The following PDE1C variants were observed in gnomAD, a reference collection of about 807,000 sequenced individuals.
PDE1C encodes phosphodiesterase 1C, also known as dual specificity calcium/calmodulin-dependent 3',5'-cyclic nucleotide phosphodiesterase 1C.
PDE1C carries 62 observed loss-of-function variants against 93.1 expected under a neutral mutation model. That is an observed-to-expected ratio of 0.67 (90% CI 0.54 to 0.82). The LOEUF is 0.82. Among genes scored for constraint, PDE1C ranks in the 40% least tolerant of loss-of-function variants. The pLI is 0.00. For missense variants in PDE1C, 742 were observed against 884.6 expected (o/e 0.84, Z 2.04); for synonymous variants, 325 against 310.1 (o/e 1.05, Z -0.50).
chr7:31,658,219 C>T, the PDE1C span: 1 of 1,441,894 alleles, frequency 6.9e-7, no homozygotes, highest in African/African-American at 1.4e-5. Flanking sequence ...AGAACACTTC[C>T]CAGAAAAATG....
chr7:32,199,252 T>C (rs975205267), intron 2 of PDE1C, among the ~76,000 whole-genome samples: 3 of 152,238 alleles, frequency 2.0e-5, no homozygotes, highest in Non-Finnish European at 4.4e-5. Context: ...TTCATTATAA[T>C]GTATCTGCCA....
At chr7:31,644,136 T>C in the PDE1C span, among the ~76,000 whole-genome samples, 1 of 152,244 alleles carries the variant, frequency 6.6e-6, no homozygotes, top group Non-Finnish European at 1.5e-5. Flanking sequence ...TTCTTCTCGA[T>C]ACTTCCAATC....
intron 15 of PDE1C, among the ~76,000 whole-genome samples, chr7:31,810,959 A>G: frequency 6.6e-6 from 1 of 152,142 alleles, no homozygotes; most frequent in East Asian, 1.9e-4. Flanking sequence ...AAGCTAAGCT[A>G]GAAGTCAATA....
intron 2 of PDE1C, among the ~76,000 whole-genome samples, chr7:31,890,893 G>A (rs1798542240): frequency 1.3e-5 from 2 of 152,164 alleles, no homozygotes; most frequent in Non-Finnish European, 2.9e-5. Context: ...TGTGTGTGAA[G>A]ACAGTGCATC....
chr7:31,854,564 C>T (rs915424019), intron 7 of PDE1C, among the ~76,000 whole-genome samples: 6 of 152,120 alleles, frequency 3.9e-5, no homozygotes, highest in South Asian at 4.1e-4. Flanking sequence ...AGAAAGCAAG[C>T]CACTTGTTCC....
chr7:32,159,255 A>G (rs1801763507), intron 3 of PDE1C, among the ~76,000 whole-genome samples: 1 of 152,190 alleles, frequency 6.6e-6, no homozygotes, highest in East Asian at 1.9e-4. Context: ...AGAAATTTTA[A>G]TAAGAAGGAA....
At chr7:32,403,885 G>A (rs955032400) in intron 1 of PDE1C, among the ~76,000 whole-genome samples, 7 of 152,106 alleles carry the variant, frequency 4.6e-5, no homozygotes, top group Non-Finnish European at 7.4e-5. Flanking sequence ...CTTTTTTCCA[G>A]TTCTTCTTTT....
intron 1 of PDE1C, among the ~76,000 whole-genome samples, chr7:32,271,643 GACAA>G (rs1248217216): frequency 3.9e-5 from 6 of 152,140 alleles, no homozygotes; most frequent in African/African-American, 1.2e-4. Flanking sequence ...AGAACTTATT[GACAA>G]ACAGACAAAA....
intron 17 of PDE1C, among the ~76,000 whole-genome samples, chr7:31,767,543 G>A (rs1416655429): frequency 1.3e-5 from 2 of 152,176 alleles, no homozygotes; most frequent in Non-Finnish European, 2.9e-5. Flanking sequence ...TTCCTGTACA[G>A]CCTGAAGAAC....
intron 1 of PDE1C, among the ~76,000 whole-genome samples, chr7:32,342,197 T>C (rs959627186): frequency 1.3e-5 from 2 of 152,234 alleles, no homozygotes; most frequent in African/African-American, 4.8e-5. Flanking sequence ...CAGGTATTGA[T>C]AGAGTCCTCA....
chr7:32,424,377 G>A (rs1785489622), intron 1 of PDE1C, among the ~76,000 whole-genome samples: 1 of 152,174 alleles, frequency 6.6e-6, no homozygotes, highest in Admixed American at 6.5e-5. Context: ...TAATACCCAA[G>A]GTGACAGTTT....
chr7:31,811,893 C>A (rs1485037196), intron 15 of PDE1C, among the ~76,000 whole-genome samples: 2 of 152,236 alleles, frequency 1.3e-5, no homozygotes, highest in East Asian at 3.9e-4. Flanking sequence ...TCACCAACAA[C>A]CTTCAGCTCT....
chr7:32,112,024 C>T (rs58415974), intron 3 of PDE1C, among the ~76,000 whole-genome samples: 18,608 of 152,110 alleles, frequency 0.12, 1,989 homozygotes, highest in African/African-American at 0.29. Context: ...GTTGTGAAAC[C>T]ATAATTCTGT....
intron 17 of PDE1C, among the ~76,000 whole-genome samples, chr7:31,760,316 T>C (rs992220907): frequency 6.6e-6 from 1 of 152,220 alleles, no homozygotes; most frequent in African/African-American, 2.4e-5. Flanking sequence ...TAATTTCTTA[T>C]CATATGGTAT....
chr7:31,699,413 C>T, the PDE1C span, among the ~76,000 whole-genome samples: 1,000 of 152,300 alleles, frequency 6.6e-3, 9 homozygotes, highest in African/African-American at 0.023. Flanking sequence ...AGTATTCTGT[C>T]TTCTTTCAGA....
intron 1 of PDE1C, among the ~76,000 whole-genome samples, chr7:32,407,591 G>A (rs1785081433): frequency 6.6e-6 from 1 of 152,138 alleles, no homozygotes; most frequent in Non-Finnish European, 1.5e-5. Flanking sequence ...GGGTACATGT[G>A]AGAATGTATA....
chr7:32,275,190 G>A (rs1562641600), intron 1 of PDE1C, among the ~76,000 whole-genome samples: 1 of 152,076 alleles, frequency 6.6e-6, no homozygotes, highest in Non-Finnish European at 1.5e-5. Context: ...ATGTAAAAAT[G>A]TTCTCTTTTA....
intron 3 of PDE1C, among the ~76,000 whole-genome samples, chr7:32,091,231 A>C (rs960579046): frequency 1.3e-5 from 2 of 152,194 alleles, no homozygotes; most frequent in Non-Finnish European, 2.9e-5. Context: ...ACAGGGAATA[A>C]ATGGGAGAGA....
intron 1 of PDE1C, among the ~76,000 whole-genome samples, chr7:32,317,721 G>A (rs149482044): frequency 6.6e-6 from 1 of 152,214 alleles, no homozygotes; most frequent in East Asian, 1.9e-4. Flanking sequence ...TGCTGGGGAC[G>A]AATGCTGGCA....
Sources: gnomAD v4.1 joint callset for allele counts (sites outside exome capture counted in the v4.1 genomes callset) on GRCh38, gnomAD v4.1.1 for gene constraint, MANE v1.5 for transcripts, NCBI Gene and HGNC (gene_info 2026-07-23, HGNC 2026-07-21) for gene names.